The following GRM3 variants were observed in gnomAD, a reference collection of about 807,000 sequenced individuals.
The protein encoded by GRM3 is glutamate metabotropic receptor 3.
Under a neutral mutation model 70.5 loss-of-function variants are expected in GRM3, and 26 were observed. The ratio of observed to expected loss-of-function variants is 0.37; its 90% CI spans 0.27 to 0.51. The LOEUF (loss-of-function observed/expected upper bound fraction) is 0.51. Among genes scored for constraint, GRM3 ranks in the 20% least tolerant of loss-of-function variants. GRM3 has a pLI of 0.93. For synonymous variants in GRM3, 443 were observed against 434.9 expected (o/e 1.02, Z -0.23); for missense variants, 859 against 1,123.8 (o/e 0.76, Z 3.37).
rs1175391485 is a variant in GRM3 at position 86,765,210 on chromosome 7, C to T, written c.65C>T (p.Ser22Phe). ...TTGTTTTCAAAGGGATTTTTACTCT[C>T]TTTAGGGGACCATAACTTTCTAAGG... ...LALFSKGFLLSLGDHNFLRRE... is the reference protein window; with the variant it reads ...LALFSKGFLLFLGDHNFLRRE... Residue 22 changes from serine (S) to phenylalanine (F), a missense_variant, in exon 2 of 6, where the codon TCT (serine) becomes TTT (phenylalanine). Physicochemically the swap from Ser to Phe is radical, Grantham distance 155. Coordinates refer to ENST00000361669, the MANE Select transcript of GRM3 (RefSeq NM_000840.3). 1 of 1,612,904 alleles carries T rather than the reference C, an allele frequency of 6.2e-7. No homozygotes were observed. The highest frequency in any genetic ancestry group is 8.5e-7 in the Non-Finnish European group (1 of 1,179,534).
chr7:86,698,747 G>C (rs953491722), intron 1 of GRM3, among the ~76,000 whole-genome samples: 25 of 152,080 alleles, frequency 1.6e-4, no homozygotes, highest in African/African-American at 5.8e-4. Flanking sequence ...TTACCCATGT[G>C]AATCTGAAAA....
intron 1 of GRM3, among the ~76,000 whole-genome samples, chr7:86,717,813 G>A (rs1795356176): frequency 6.6e-6 from 1 of 151,938 alleles, no homozygotes; most frequent in South Asian, 2.1e-4. Flanking sequence ...GTAAATCTCT[G>A]CAGCACTATT....
In GRM3 at chr7:86,643,934, C is replaced by CGGCTG. The variant is rs1793390948; in HGVS notation, c.-1078_-1074dup. 6.6e-6 allele frequency: 1 copy of CGGCTG among 152,488 alleles called. No individual in the cohort carries two copies. Among genetic ancestry groups the CGGCTG allele is most frequent in the Non-Finnish European group, 1.5e-5 (1 of 68,348 alleles). 9.4% of individuals were successfully genotyped at this position (152,488 alleles called of 1,614,324 possible). A position where few individuals can be genotyped will look rare whatever the true frequency, so the allele number is the denominator to read the frequency against. ...GCAGTGTGCAGTTGAGTCGCGAGTA[C>CGGCTG]GGCTGAGCTGCGTACCGGCCTCCCT... On this transcript the variant is annotated 5_prime_UTR_variant, in exon 1 of 6. Transcript: ENST00000361669.
At chr7:86,780,402 A>C (rs1414966194) in intron 2 of GRM3, among the ~76,000 whole-genome samples, 1 of 152,214 alleles carries the variant, frequency 6.6e-6, no homozygotes, top group Non-Finnish European at 1.5e-5. Context: ...ATATCTGGCC[A>C]AGTCCAGCAT....
intron 1 of GRM3, among the ~76,000 whole-genome samples, chr7:86,648,808 T>C (rs1793540546): frequency 6.6e-6 from 1 of 152,190 alleles, no homozygotes; most frequent in African/African-American, 2.4e-5. Flanking sequence ...TAGGCTTCTT[T>C]AAGATTCTTA....
intron 1 of GRM3, among the ~76,000 whole-genome samples, chr7:86,699,788 A>T (rs146664467): frequency 2.0e-5 from 3 of 152,014 alleles, no homozygotes; most frequent in Admixed American, 6.6e-5. Context: ...AGAAAAAGTT[A>T]TGCGTCACCA....
chr7:86,772,642 G>A (rs559532249), intron 2 of GRM3, among the ~76,000 whole-genome samples: 5 of 151,978 alleles, frequency 3.3e-5, no homozygotes, highest in Admixed American at 1.3e-4. Context: ...GTCTCTCCAC[G>A]GGAAGAATAT....
At chr7:86,749,059 T>C (rs910225106) in intron 1 of GRM3, among the ~76,000 whole-genome samples, 5 of 152,120 alleles carry the variant, frequency 3.3e-5, no homozygotes, top group African/African-American at 4.8e-5. Context: ...GAAAGAAACT[T>C]TTGTGCTCAT....
At position 86,765,258 on chromosome 7, in the gene GRM3, A is replaced by G; in HGVS notation, c.113A>G (p.Asp38Gly). Residue 38 changes from aspartate (D) to glycine (G), a missense_variant, in exon 2 of 6, where the codon GAC becomes GGC. Asp to Gly is a moderately conservative substitution (Grantham distance 94). Transcript: ENST00000361669. ...FLRREIKIEGDLVLGGLFPIN... is the reference protein window; with the variant it reads ...FLRREIKIEGGLVLGGLFPIN... ...AGGAGAGAGATTAAAATAGAAGGTGACCTTGTTTTAGGGGGCCTGTTTCCT... is the reference window on the plus strand; with the variant it reads ...AGGAGAGAGATTAAAATAGAAGGTGGCCTTGTTTTAGGGGGCCTGTTTCCT... 2 of 1,613,866 alleles carry G rather than the reference A, an allele frequency of 1.2e-6. No individual in the cohort carries two copies. The highest frequency in any genetic ancestry group is 1.3e-5 in the African/African-American group (1 of 75,022).
At chr7:86,705,718 AAC>A (rs1312046789) in intron 1 of GRM3, among the ~76,000 whole-genome samples, 3 of 152,114 alleles carry the variant, frequency 2.0e-5, no homozygotes, top group African/African-American at 7.2e-5. Flanking sequence ...ACAAAAAAGA[AAC>A]AGTTTAGCCA....
At chr7:86,747,573 A>G (rs1334556249) in intron 1 of GRM3, among the ~76,000 whole-genome samples, 1 of 152,112 alleles carries the variant, frequency 6.6e-6, no homozygotes, top group Non-Finnish European at 1.5e-5. Flanking sequence ...AATCTTCACC[A>G]GAAGTACACA....
chr7:86,843,489 A>G (rs1013757477), intron 4 of GRM3, among the ~76,000 whole-genome samples: 15 of 152,228 alleles, frequency 9.9e-5, no homozygotes, highest in African/African-American at 3.6e-4. Context: ...TTGAGAAACT[A>G]TCCGAGTCAT....
intron 1 of GRM3, among the ~76,000 whole-genome samples, chr7:86,686,978 T>C (rs75455331): frequency 0.12 from 18,849 of 151,990 alleles, 1,255 homozygotes; most frequent in African/African-American, 0.17. Context: ...ATTTAGTAGA[T>C]GGGTTTAATA....
At chr7:86,649,468 G>A (rs2115763287) in intron 1 of GRM3, among the ~76,000 whole-genome samples, 1 of 152,072 alleles carries the variant, frequency 6.6e-6, no homozygotes, top group Non-Finnish European at 1.5e-5. Flanking sequence ...ATAGATTAAG[G>A]CACCAGTTTG....
intron 3 of GRM3, among the ~76,000 whole-genome samples, chr7:86,825,241 C>G (rs972472351): frequency 6.6e-6 from 1 of 152,236 alleles, no homozygotes; most frequent in South Asian, 2.1e-4. Context: ...TTAACCCTTA[C>G]GTTAAAAGGG....
chr7:86,644,423 G>A lies in GRM3; in HGVS notation c.-590G>A, dbSNP rs1793402224. 1 of 340,170 alleles carries A rather than the reference G, an allele frequency of 2.9e-6. No homozygotes were observed. Among genetic ancestry groups the A allele is most frequent in the Middle Eastern group, 1.1e-3 (1 of 930 alleles). The allele number at this position is 340,170 out of a possible 1,614,324, so 21.1% of individuals were successfully genotyped here. ...GCGACGGCTTCAGCCTGGTCAAGGT[G>A]AAGGAAAGTTGCTTCCGCGCCTAGG... is the stretch of plus-strand genomic sequence containing the variant. On this transcript the variant is annotated 5_prime_UTR_variant, in exon 1 of 6. The change abolishes the stop of an existing upstream ORF in the 5' untranslated region. Coordinates refer to ENST00000361669, the MANE Select transcript of GRM3 (RefSeq NM_000840.3).
chr7:86,766,391 A>G (rs575912215), intron 2 of GRM3, among the ~76,000 whole-genome samples: 1 of 152,260 alleles, frequency 6.6e-6, no homozygotes, highest in African/African-American at 2.4e-5. Flanking sequence ...TAAAAAAAAA[A>G]AGGAAACATT....
At chr7:86,789,318 C>A (rs1383747390) in intron 3 of GRM3, among the ~76,000 whole-genome samples, 3 of 152,140 alleles carry the variant, frequency 2.0e-5, no homozygotes, top group African/African-American at 4.8e-5. Flanking sequence ...GGGAGGATAC[C>A]AAAATGCTAA....
At chr7:86,825,482 C>T (rs1004646441) in intron 3 of GRM3, among the ~76,000 whole-genome samples, 2 of 152,198 alleles carry the variant, frequency 1.3e-5, no homozygotes, top group Non-Finnish European at 2.9e-5. Flanking sequence ...GCTTAGGAGA[C>T]ACATGACAAC....
Sources: gnomAD v4.1 joint callset for allele counts (sites outside exome capture counted in the v4.1 genomes callset) on GRCh38, gnomAD v4.1.1 for gene constraint, MANE v1.5 for transcripts, NCBI Gene and HGNC (gene_info 2026-07-23, HGNC 2026-07-21) for gene names.